Variants in DAPK1 observed in about 807,000 individuals in gnomAD.
DAPK1 encodes death associated protein kinase 1.
DAPK1 carries 56 observed loss-of-function variants against 144.9 expected under a neutral mutation model. The ratio of observed to expected loss-of-function variants is 0.39; its 90% CI spans 0.31 to 0.48. DAPK1 has a LOEUF of 0.48. Ranked by LOEUF, DAPK1 falls within the 20% of genes least tolerant of loss-of-function variation. The probability of loss-of-function intolerance (pLI) is 0.95; values close to 1 mark genes in which losing one functional copy is unlikely to be tolerated. For synonymous variants in DAPK1, 690 were observed against 749.0 expected (o/e 0.92, Z 1.29); for missense variants, 1,454 against 1,875.4 (o/e 0.78, Z 4.15).
chr9:87,523,756 C>A (rs1426069605), intron 2 of DAPK1, among the ~76,000 whole-genome samples: 1 of 152,148 alleles, frequency 6.6e-6, no homozygotes, highest in Non-Finnish European at 1.5e-5. Flanking sequence ...CCCTCAGTTA[C>A]CATTTGCTCA....
intron 2 of DAPK1, among the ~76,000 whole-genome samples, chr9:87,549,723 A>G (rs1157547097): frequency 2.6e-5 from 4 of 152,164 alleles, no homozygotes; most frequent in Non-Finnish European, 5.9e-5. Flanking sequence ...TCAGCAATGC[A>G]CTTGTACAAC....
chr9:87,671,032 C>G (rs547268253), intron 19 of DAPK1, among the ~76,000 whole-genome samples: 1 of 152,300 alleles, frequency 6.6e-6, no homozygotes, highest in South Asian at 2.1e-4. Context: ...AGAAAAAGGA[C>G]CGAGGGAGAG....
rs748494486 is a variant in DAPK1, at chr9:87,700,200, G to A, written c.2834G>A (p.Arg945Gln). The change falls in exon 24 of 26, where the codon CGA (arginine) becomes CAA (glutamine). Residue 945 changes from arginine (R) to glutamine (Q), a missense_variant. Physicochemically the swap from Arg to Gln is conservative, Grantham distance 43. Transcript: ENST00000408954. ...ASGSKDMKVL[R>Q]NHLQEIRSQI... Reference sequence around the variant, plus strand: ...GGGTCAAAGGACATGAAGGTACTTCGAAATCATCTGCAAGAAATACGAAGC... The same window carrying A: ...GGGTCAAAGGACATGAAGGTACTTCAAAATCATCTGCAAGAAATACGAAGC... 13 of 1,609,992 alleles carry A rather than the reference G, an allele frequency of 8.1e-6. No individual in the cohort carries two copies. Among genetic ancestry groups the A allele is most frequent in the East Asian group, 6.7e-5 (3 of 44,858 alleles).
At chr9:87,573,039 C>G (rs1020475080) in intron 2 of DAPK1, among the ~76,000 whole-genome samples, 1 of 152,174 alleles carries the variant, frequency 6.6e-6, no homozygotes, top group African/African-American at 2.4e-5. Context: ...AAACACTGAG[C>G]AAACTGGGGT....
chr9:87,668,543 C>T, intron 18 of DAPK1, 54 bp from the exon 19 acceptor site: 2 of 912,708 alleles, frequency 2.2e-6, no homozygotes. Flanking sequence ...GCGTATGGAA[C>T]ACACACAGCT....
chr9:87,708,046 TTC>T lies in DAPK1; in HGVS notation c.*684_*685del, dbSNP rs1217354066. ...GTTTTGTATTGTTTTCTGACAGTTTTTCTGTTTTGTTTGGCAAGGAAAGGGGA... is the reference window on the plus strand; with the variant it reads ...GTTTTGTATTGTTTTCTGACAGTTTTTGTTTTGTTTGGCAAGGAAAGGGGA... On this transcript the variant is annotated 3_prime_UTR_variant, in exon 26 of 26. Coordinates refer to ENST00000408954, the MANE Select transcript of DAPK1 (RefSeq NM_004938.4). 6.5e-6 allele frequency: 2 copies of T among 309,040 alleles called. No individual in the cohort carries two copies. Among genetic ancestry groups the T allele is most frequent in the African/African-American group, 4.4e-5 (2 of 45,316 alleles). The allele number at this position is 309,040 out of a possible 1,614,324, so 19.1% of individuals were successfully genotyped here.
At position 87,640,813 on chromosome 9, in the gene DAPK1, C is replaced by T; in HGVS notation, c.794C>T (p.Thr265Ile). 1 of 1,614,096 alleles carries T rather than the reference C, an allele frequency of 6.2e-7. No individual in the cohort carries two copies. Among genetic ancestry groups the T allele is most frequent in the Non-Finnish European group, 8.5e-7 (1 of 1,179,976 alleles). ...CCCCTCCCCTCAAGGAAGAGAATGA[C>T]AATTCAAGATAGTTTGCAGCATCCC... ...LLVKDPKKRM[T>I]IQDSLQHPWI... The change falls in exon 9 of 26, where the codon ACA becomes ATA. Residue 265 changes from threonine to isoleucine, a missense_variant. Physicochemically the swap from Thr to Ile is moderately conservative, Grantham distance 89. Around this residue, in one of 2 missense-constraint regions of DAPK1, gnomAD observed 429 missense variants for 637.5 expected, o/e 0.67. Coordinates refer to ENST00000408954, the MANE Select transcript of DAPK1 (RefSeq NM_004938.4).
At position 87,649,007 on chromosome 9, in the gene DAPK1, G is replaced by A. The variant is rs559918675; in HGVS notation, c.1428+128G>A. 1.1e-4 allele frequency: 88 copies of A among 775,380 alleles called. No homozygotes were observed. The African/African-American group carries it at 1.4e-3, about 12-fold the overall frequency. The allele number at this position is 775,380 out of a possible 1,614,324, so 48.0% of individuals were successfully genotyped here. A position where few individuals can be genotyped will look rare whatever the true frequency, so the allele number is the denominator to read the frequency against. Reference sequence around the variant, plus strand: ...TTCTGTCTTCCCCTACAGAGGGCAAGGCTCAAGGGGCAGGGACTCAAACAG... The same window carrying A: ...TTCTGTCTTCCCCTACAGAGGGCAAAGCTCAAGGGGCAGGGACTCAAACAG... On this transcript the variant is annotated intron_variant, in intron 15 of 25. Coordinates refer to ENST00000408954, the MANE Select transcript of DAPK1 (RefSeq NM_004938.4).
chr9:87,703,269 G>A lies in DAPK1; in HGVS notation c.3060+52G>A, dbSNP rs773614391. ...GGCCGTGAGAGGTGCCAGGGACTCA[G>A]CCTGTCCCAAATTCCAGCTCTTGGA... On this transcript the variant is annotated intron_variant, in intron 25 of 25. Coordinates refer to ENST00000408954, the MANE Select transcript of DAPK1 (RefSeq NM_004938.4). The A allele has an allele frequency of 1.7e-5, 18 of 1,044,780 alleles. No individual in the cohort carries two copies. The African/African-American group carries it at 2.2e-4, about 13-fold the overall frequency. The allele number at this position is 1,044,780 out of a possible 1,614,324, so 64.7% of individuals were successfully genotyped here.
intron 11 of DAPK1, among the ~76,000 whole-genome samples, chr9:87,644,499 T>A (rs1371059351): frequency 1.3e-5 from 2 of 151,842 alleles, no homozygotes; most frequent in Admixed American, 1.3e-4. Flanking sequence ...TCACTGAGGC[T>A]TCACATCTAG....
chr9:87,701,805 G>T (rs1315636602), intron 24 of DAPK1: 1 of 462,810 alleles, frequency 2.2e-6, no homozygotes, highest in Non-Finnish European at 4.5e-6. Flanking sequence ...TGTGCTTCCA[G>T]AATTCTCGGG....
chr9:87,634,961 T>A (rs1829838679), intron 3 of DAPK1, among the ~76,000 whole-genome samples: 2 of 152,140 alleles, frequency 1.3e-5, no homozygotes, highest in Non-Finnish European at 2.9e-5. Flanking sequence ...GCACTAAGGG[T>A]CGCTACATGT....
intron 2 of DAPK1, among the ~76,000 whole-genome samples, chr9:87,503,393 G>A (rs1451738224): frequency 6.6e-6 from 1 of 152,048 alleles, no homozygotes; most frequent in African/African-American, 2.4e-5. Flanking sequence ...GCCTTCCAAA[G>A]CTCTGAGATT....
intron 2 of DAPK1, among the ~76,000 whole-genome samples, chr9:87,578,668 CA>C (rs1259784845): frequency 6.6e-6 from 1 of 152,176 alleles, no homozygotes; most frequent in Non-Finnish European, 1.5e-5. Flanking sequence ...ATACAAAACC[CA>C]AACAAAACCA....
At chr9:87,609,048 G>T (rs931021203) in intron 3 of DAPK1, among the ~76,000 whole-genome samples, 4 of 152,180 alleles carry the variant, frequency 2.6e-5, no homozygotes, top group Admixed American at 6.5e-5. Context: ...AATGTGGGTG[G>T]CTCCGTCAAT....
At chr9:87,523,436 A>G (rs1220881997) in intron 2 of DAPK1, among the ~76,000 whole-genome samples, 7 of 152,094 alleles carry the variant, frequency 4.6e-5, no homozygotes. Context: ...AGCTGGGACC[A>G]TAGACACGAG....
chr9:87,523,142 A>G (rs987656434), intron 2 of DAPK1, among the ~76,000 whole-genome samples: 1 of 152,190 alleles, frequency 6.6e-6, no homozygotes, highest in Admixed American at 6.5e-5. Flanking sequence ...CAGTGGCGTT[A>G]AGTCCATTCA....
chr9:87,556,949 T>C (rs1291182695), intron 2 of DAPK1, among the ~76,000 whole-genome samples: 1 of 152,198 alleles, frequency 6.6e-6, no homozygotes, highest in Non-Finnish European at 1.5e-5. Context: ...GAGGAGCTTC[T>C]CTGAGATGTG....
intron 19 of DAPK1, among the ~76,000 whole-genome samples, chr9:87,678,531 G>C (rs1202053103): frequency 1.3e-5 from 2 of 152,134 alleles, no homozygotes; most frequent in African/African-American, 4.8e-5. Flanking sequence ...ACTCAGCAAA[G>C]ATAAAAGGAA....
Sources: allele counts gnomAD v4.1 joint callset (sites outside exome capture counted in the v4.1 genomes callset), GRCh38; gene constraint gnomAD v4.1.1; regional missense constraint gnomAD v4.1.1; transcripts MANE v1.5; gene names NCBI Gene and HGNC (gene_info 2026-07-23, HGNC 2026-07-21).